GRM3: variants seen among roughly 807,000 people sequenced by gnomAD.
GRM3 encodes glutamate metabotropic receptor 3, also known as metabotropic glutamate receptor 3.
GRM3 carries 26 observed loss-of-function variants against 70.5 expected under a neutral mutation model. The ratio of observed to expected loss-of-function variants is 0.37; its 90% CI spans 0.27 to 0.51. The LOEUF (loss-of-function observed/expected upper bound fraction) is 0.51, where lower values mean the gene tolerates loss of function less well. Ranked by LOEUF, GRM3 falls within the 20% of genes least tolerant of loss-of-function variation. The pLI, the probability that GRM3 is intolerant of heterozygous loss-of-function variation, is 0.93. For synonymous variants in GRM3, 443 were observed against 434.9 expected (o/e 1.02, Z -0.23); for missense variants, 859 against 1,123.8 (o/e 0.76, Z 3.37).
chr7:86,813,722 G>C (rs138818614), intron 3 of GRM3, among the ~76,000 whole-genome samples: 63 of 151,762 alleles, frequency 4.2e-4, no homozygotes, highest in African/African-American at 1.4e-3. Flanking sequence ...GATATGTCAT[G>C]GTGGCCAGAA....
chr7:86,838,109 C>A (rs1798492712), intron 3 of GRM3, among the ~76,000 whole-genome samples: 1 of 152,076 alleles, frequency 6.6e-6, no homozygotes, highest in Non-Finnish European at 1.5e-5. Context: ...GTGCTACTGA[C>A]CCTGTTCACT....
At chr7:86,668,159 C>A (rs74646032) in intron 1 of GRM3, among the ~76,000 whole-genome samples, 2,966 of 152,218 alleles carry the variant, frequency 0.019, 97 homozygotes, top group African/African-American at 0.068. Context: ...TCAATTGTTG[C>A]TATGCTAGTA....
At chr7:86,832,066 T>C (rs898147069) in intron 3 of GRM3, among the ~76,000 whole-genome samples, 1 of 152,120 alleles carries the variant, frequency 6.6e-6, no homozygotes, top group African/African-American at 2.4e-5. Flanking sequence ...GTTCGTAAAA[T>C]ATTTTGTTTG....
chr7:86,689,072 T>G (rs114242113), intron 1 of GRM3, among the ~76,000 whole-genome samples: 10 of 150,810 alleles, frequency 6.6e-5, no homozygotes, highest in African/African-American at 2.4e-4. Flanking sequence ...CTGACAGATA[T>G]TGTAAGACTA....
chr7:86,677,863 GCTGGTTAAAGAACCAT>G (rs1240465408), intron 1 of GRM3, among the ~76,000 whole-genome samples: 1 of 151,930 alleles, frequency 6.6e-6, no homozygotes, highest in African/African-American at 2.4e-5. Context: ...AATTATCGGA[GCTGGTTAAAGAACCAT>G]CTGATAAGGA....
chr7:86,656,061 T>C (rs1397415487), intron 1 of GRM3, among the ~76,000 whole-genome samples: 1 of 152,106 alleles, frequency 6.6e-6, no homozygotes, highest in Non-Finnish European at 1.5e-5. Context: ...CAGTAGTGAC[T>C]GACCTTCAGT....
intron 1 of GRM3, among the ~76,000 whole-genome samples, chr7:86,703,240 G>A (rs1458269198): frequency 6.6e-6 from 1 of 151,818 alleles, no homozygotes; most frequent in Non-Finnish European, 1.5e-5. Flanking sequence ...CTAGAGACAG[G>A]CAAAGTTTTT....
At chr7:86,679,670 C>T (rs545454216) in intron 1 of GRM3, among the ~76,000 whole-genome samples, 3 of 152,022 alleles carry the variant, frequency 2.0e-5, no homozygotes, top group African/African-American at 7.2e-5. Context: ...TTCCTGTCCT[C>T]ATTCCTCCTC....
intron 1 of GRM3, among the ~76,000 whole-genome samples, chr7:86,716,642 C>T (rs772697929): frequency 3.1e-4 from 47 of 150,668 alleles, no homozygotes; most frequent in Admixed American, 6.0e-4. Flanking sequence ...AAGGGAAACA[C>T]CAAGTGCAAT....
intron 3 of GRM3, among the ~76,000 whole-genome samples, chr7:86,827,836 G>C (rs796752676): frequency 1.3e-5 from 2 of 152,116 alleles, no homozygotes; most frequent in South Asian, 2.1e-4. Context: ...AATCCAGGCC[G>C]GTGCGGTGGC....
At chr7:86,771,673 A>G (rs1251019249) in intron 2 of GRM3, among the ~76,000 whole-genome samples, 1 of 152,094 alleles carries the variant, frequency 6.6e-6, no homozygotes, top group Admixed American at 6.6e-5. Context: ...AGGGATATAG[A>G]AGCAAATTGA....
chr7:86,839,620 G>A lies in GRM3; in HGVS notation c.2106G>A (p.Met702Ile). 1.9e-6 allele frequency: 3 copies of A among 1,613,986 alleles called. No homozygotes were observed. The highest frequency in any genetic ancestry group is 2.5e-6 in the Non-Finnish European group (3 of 1,179,974). ...GTCTGATCCTGGTGCAAATTGTGATGGTGTCTGTGTGGCTCATCCTGGAGG... is the reference window on the plus strand; with the variant it reads ...GTCTGATCCTGGTGCAAATTGTGATAGTGTCTGTGTGGCTCATCCTGGAGG... Reference protein sequence around the residue: ...CLGLILVQIVMVSVWLILEAP... With the variant: ...CLGLILVQIVIVSVWLILEAP... Residue 702 changes from methionine to isoleucine, a missense_variant, in exon 4 of 6, where the codon ATG (methionine) becomes ATA (isoleucine). By Grantham distance (10) the Met-to-Ile change is conservative (BLOSUM62 1). Coordinates refer to ENST00000361669, the MANE Select transcript of GRM3 (RefSeq NM_000840.3). This position sits in a 1 kb window ranked among gnomAD's most constrained non-coding sequence, Gnocchi z 4.5.
intron 1 of GRM3, among the ~76,000 whole-genome samples, chr7:86,649,039 A>G (rs1219594389): frequency 1.3e-5 from 2 of 152,202 alleles, no homozygotes; most frequent in Admixed American, 1.3e-4. Context: ...TAAGCATTCG[A>G]CGGTACATGG....
At chr7:86,799,802 TA>T (rs1216960360) in intron 3 of GRM3, among the ~76,000 whole-genome samples, 3 of 152,226 alleles carry the variant, frequency 2.0e-5, no homozygotes, top group Non-Finnish European at 4.4e-5. Context: ...GTGCTGGGAT[TA>T]CAGGCGTGAG....
At chr7:86,686,214 G>T (rs1245597938) in intron 1 of GRM3, among the ~76,000 whole-genome samples, 1 of 152,104 alleles carries the variant, frequency 6.6e-6, no homozygotes, top group African/African-American at 2.4e-5. Flanking sequence ...TGCTTTCAGT[G>T]GGTATTTCTC....
chr7:86,758,263 C>T (rs566277868), intron 1 of GRM3, among the ~76,000 whole-genome samples: 2 of 152,162 alleles, frequency 1.3e-5, no homozygotes, highest in South Asian at 4.2e-4. Context: ...GTAAAAATAT[C>T]CTCCTAAAAA....
intron 1 of GRM3, among the ~76,000 whole-genome samples, chr7:86,688,455 G>A (rs981143862): frequency 1.3e-5 from 2 of 151,570 alleles, no homozygotes; most frequent in African/African-American, 2.4e-5. Flanking sequence ...AAATCACAAA[G>A]TTTTCAATAC....
At chr7:86,798,307 G>A (rs1375673917) in intron 3 of GRM3, among the ~76,000 whole-genome samples, 2 of 152,150 alleles carry the variant, frequency 1.3e-5, no homozygotes, top group Admixed American at 6.5e-5. Flanking sequence ...AAGCAGCCAG[G>A]AGGGGAGCTG....
At chr7:86,814,905 A>T (rs1389909704) in intron 3 of GRM3, among the ~76,000 whole-genome samples, 2 of 151,540 alleles carry the variant, frequency 1.3e-5, no homozygotes, top group African/African-American at 4.8e-5. Flanking sequence ...GGCTCAGTGA[A>T]TTATGCATTA....
Sources: allele counts gnomAD v4.1 joint callset (sites outside exome capture counted in the v4.1 genomes callset), GRCh38; gene constraint gnomAD v4.1.1; non-coding constraint Gnocchi (gnomAD v3.1); transcripts MANE v1.5; gene names NCBI Gene and HGNC (gene_info 2026-07-23, HGNC 2026-07-21).